The following WWOX variants were observed in gnomAD, a reference collection of about 807,000 sequenced individuals.
WWOX encodes the protein WW domain-containing oxidoreductase.
Under a neutral mutation model 46.2 loss-of-function variants are expected in WWOX, and 69 were observed. The ratio of observed to expected loss-of-function variants is 1.49; its 90% CI spans 1.23 to 1.82. WWOX has a LOEUF of 1.82. Ranked by LOEUF, WWOX falls within the 40% of genes most tolerant of loss-of-function variation. The pLI, the probability that WWOX is intolerant of heterozygous loss-of-function variation, is 0.00. For missense variants in WWOX, 919 were observed against 542.6 expected, an observed-to-expected ratio of 1.69 and a Z score of -6.89; for synonymous variants, 359 against 202.6, an observed-to-expected ratio of 1.77 and a Z score of -6.56.
intron 8 of WWOX, among the ~76,000 whole-genome samples, chr16:79,001,721 GA>G (rs1262171529): frequency 1.3e-5 from 2 of 151,766 alleles, no homozygotes; most frequent in African/African-American, 2.4e-5. Flanking sequence ...GGAGGGGAGA[GA>G]GGGGGAAATG....
chr16:78,132,835 A>G (rs2033650186), intron 4 of WWOX, among the ~76,000 whole-genome samples: 1 of 152,144 alleles, frequency 6.6e-6, no homozygotes, highest in African/African-American at 2.4e-5. Flanking sequence ...AATCTATACC[A>G]GGGAGGTTTT....
At chr16:79,189,940 G>C (rs866343594) in intron 8 of WWOX, among the ~76,000 whole-genome samples, 6 of 149,604 alleles carry the variant, frequency 4.0e-5, no homozygotes, top group Non-Finnish European at 5.9e-5. Flanking sequence ...GGGAAGGGGG[G>C]GGGGATAAAG....
At chr16:78,284,947 G>A (rs938298348) in intron 5 of WWOX, among the ~76,000 whole-genome samples, 2 of 152,118 alleles carry the variant, frequency 1.3e-5, no homozygotes, top group African/African-American at 4.8e-5. Context: ...TGTTGGAAGC[G>A]GTCTCCTCTG....
At chr16:78,262,924 A>G (rs1284278876) in intron 5 of WWOX, among the ~76,000 whole-genome samples, 1 of 152,166 alleles carries the variant, frequency 6.6e-6, no homozygotes, top group Non-Finnish European at 1.5e-5. Flanking sequence ...GGGCTTTGAA[A>G]CACTATCAAA....
At chr16:78,709,509 A>G (rs922139711) in intron 8 of WWOX, among the ~76,000 whole-genome samples, 1 of 152,106 alleles carries the variant, frequency 6.6e-6, no homozygotes, top group Non-Finnish European at 1.5e-5. Flanking sequence ...GGCCCTCTCA[A>G]TCTGATAGAC....
chr16:79,011,907 G>C (rs762483604), intron 8 of WWOX, among the ~76,000 whole-genome samples: 7 of 152,170 alleles, frequency 4.6e-5, no homozygotes, highest in Non-Finnish European at 1.0e-4. Flanking sequence ...TCCCGCCTCA[G>C]CCTCCTGAGT....
chr16:78,981,502 A>G (rs992133875), intron 8 of WWOX, among the ~76,000 whole-genome samples: 21 of 151,516 alleles, frequency 1.4e-4, no homozygotes, highest in Non-Finnish European at 2.6e-4. Context: ...CAGTGGCACA[A>G]TCTGGGCTCA....
intron 8 of WWOX, among the ~76,000 whole-genome samples, chr16:78,959,627 G>T (rs141935187): frequency 6.6e-6 from 1 of 152,160 alleles, no homozygotes; most frequent in African/African-American, 2.4e-5. Context: ...AGGAAGGCCA[G>T]TGTCTTGGTG....
chr16:78,278,747 C>G (rs1199094455), intron 5 of WWOX: 1 of 1,218,894 alleles, frequency 8.2e-7, no homozygotes, highest in Non-Finnish European at 1.2e-6. Context: ...GTTTTGACTT[C>G]TATCTCGGTG....
At chr16:78,571,927 A>G (rs1027053401) in intron 8 of WWOX, among the ~76,000 whole-genome samples, 5 of 152,202 alleles carry the variant, frequency 3.3e-5, no homozygotes, top group African/African-American at 1.2e-4. Context: ...CAGATTGGCA[A>G]AACGTTAAGT....
At chr16:78,655,554 G>T (rs2047061594) in intron 8 of WWOX, among the ~76,000 whole-genome samples, 1 of 151,994 alleles carries the variant, frequency 6.6e-6, no homozygotes, top group African/African-American at 2.4e-5. Context: ...CCCTTGTTTG[G>T]TCTATTACCA....
intron 8 of WWOX, among the ~76,000 whole-genome samples, chr16:78,780,972 C>A (rs1454601267): frequency 1.3e-5 from 2 of 152,178 alleles, no homozygotes; most frequent in Non-Finnish European, 2.9e-5. Flanking sequence ...CACCTTGGGG[C>A]CAGCCTGCAG....
intron 5 of WWOX, among the ~76,000 whole-genome samples, chr16:78,354,519 G>A (rs1020626368): frequency 2.0e-5 from 3 of 152,028 alleles, no homozygotes; most frequent in Non-Finnish European, 2.9e-5. Context: ...AATTACAACT[G>A]GAAAACATTT....
chr16:78,563,518 CTT>C lies in WWOX; in HGVS notation c.1056+130779_1056+130780del, dbSNP rs59076103. ...ACACACACACACACACACACACACG[CTT>C]TTTTTTTTTTTTCTTTTTTTTTTTC... On this transcript the variant is annotated intron_variant, in intron 8 of 8. Transcript: ENST00000566780. Among the ~76,000 whole-genome samples, 162 of 133,062 alleles carry C rather than the reference CTT, an allele frequency of 1.2e-3. 2 individuals are homozygous for C. Among genetic ancestry groups the C allele is most frequent in the African/African-American group, 4.3e-3 (151 of 35,146 alleles). The allele number at this position is 133,062 out of a possible 152,430, so 87.3% of individuals were successfully genotyped here. A position where few individuals can be genotyped will look rare whatever the true frequency, so the allele number is the denominator to read the frequency against.
At chr16:78,790,547 G>A (rs577072727) in intron 8 of WWOX, among the ~76,000 whole-genome samples, 5 of 152,252 alleles carry the variant, frequency 3.3e-5, no homozygotes, top group South Asian at 4.2e-4. Context: ...ATCTACTACC[G>A]TGGACAACCC....
At chr16:78,448,139 G>A (rs993633914) in intron 8 of WWOX, among the ~76,000 whole-genome samples, 4 of 152,094 alleles carry the variant, frequency 2.6e-5, no homozygotes, top group Non-Finnish European at 5.9e-5. Context: ...TGGGACAACG[G>A]CCCTGCTCTC....
intron 8 of WWOX, among the ~76,000 whole-genome samples, chr16:78,947,589 A>G (rs902461709): frequency 6.6e-6 from 1 of 152,216 alleles, no homozygotes; most frequent in Non-Finnish European, 1.5e-5. Context: ...GGCCCTTGAT[A>G]AGGCAGGGGT....
chr16:78,379,970 G>A (rs946549673), intron 5 of WWOX, among the ~76,000 whole-genome samples: 8 of 152,190 alleles, frequency 5.3e-5, no homozygotes, highest in Admixed American at 3.3e-4. Context: ...TCTGGAAAAC[G>A]CATTCATCTT....
intron 8 of WWOX, among the ~76,000 whole-genome samples, chr16:79,064,222 A>G (rs1259865548): frequency 6.6e-6 from 1 of 152,220 alleles, no homozygotes. Context: ...ACTGACATAT[A>G]CGAAGTGTTG....
Sources: gnomAD v4.1 joint callset for allele counts (sites outside exome capture counted in the v4.1 genomes callset) on GRCh38, gnomAD v4.1.1 for gene constraint, MANE v1.5 for transcripts, NCBI Gene and HGNC (gene_info 2026-07-23, HGNC 2026-07-21) for gene names.